Variants in DHRSX observed in about 807,000 individuals in gnomAD.
DHRSX encodes the protein polyprenol dehydrogenase.
Under a neutral mutation model 34.0 loss-of-function variants are expected in DHRSX, and 31 were observed. The observed-to-expected ratio is 0.91, with a 90% CI of 0.69 to 1.23. The LOEUF (loss-of-function observed/expected upper bound fraction) is 1.23. Among genes scored for constraint, DHRSX ranks in the 50% most tolerant of loss-of-function variants. The pLI is 0.00. For synonymous variants in DHRSX, 201 were observed against 183.8 expected (o/e 1.09, Z -0.76); for missense variants, 414 against 428.1 (o/e 0.97, Z 0.29).
At chrX:2,380,352 T>TAAA (rs34993427) in intron 3 of DHRSX, among the ~76,000 whole-genome samples, 1 of 131,614 alleles carries the variant, frequency 7.6e-6, no homozygotes, top group Non-Finnish European at 1.6e-5. Flanking sequence ...TGAGATGTCT[T>TAAA]AAAAAAAAAA....
intron 4 of DHRSX, among the ~76,000 whole-genome samples, chrX:2,270,407 C>A (rs963024347): frequency 6.6e-6 from 1 of 152,194 alleles, no homozygotes; most frequent in Non-Finnish European, 1.5e-5. Context: ...ATTCAAGAGA[C>A]GGAGCAGGGA....
intron 3 of DHRSX, among the ~76,000 whole-genome samples, chrX:2,300,131 T>TA (rs1255133747): frequency 6.6e-6 from 1 of 152,196 alleles, no homozygotes; most frequent in Non-Finnish European, 1.5e-5. Context: ...TGTACCTCCC[T>TA]AAAAAATCCT....
chrX:2,405,918 AAT>A (rs1569497724), intron 3 of DHRSX, among the ~76,000 whole-genome samples: 2 of 149,484 alleles, frequency 1.3e-5, no homozygotes, highest in Non-Finnish European at 1.5e-5. Flanking sequence ...AAAAAAAAAA[AAT>A]AAGGTACCAC....
chrX:2,258,042 G>C (rs1348421891), intron 5 of DHRSX, among the ~76,000 whole-genome samples: 1 of 151,960 alleles, frequency 6.6e-6, no homozygotes, highest in South Asian at 2.1e-4. Context: ...GACACACACA[G>C]AGGGACAACC....
chrX:2,240,261 G>A (rs2016109758), intron 6 of DHRSX, among the ~76,000 whole-genome samples: 1 of 150,382 alleles, frequency 6.6e-6, no homozygotes, highest in South Asian at 2.1e-4. Flanking sequence ...CCAGTGCACT[G>A]CAGCCTGGTG....
chrX:2,409,409 T>A (rs1396918797), intron 2 of DHRSX, among the ~76,000 whole-genome samples: 1 of 152,196 alleles, frequency 6.6e-6, no homozygotes, highest in Non-Finnish European at 1.5e-5. Flanking sequence ...TTTCTCCTAA[T>A]GCTCTCCCTG....
intron 1 of DHRSX, among the ~76,000 whole-genome samples, chrX:2,482,529 T>A (rs1462656568): frequency 1.3e-5 from 2 of 152,162 alleles, no homozygotes; most frequent in Non-Finnish European, 2.9e-5. Context: ...CCTCCCAAAG[T>A]GCTGGGATGA....
chrX:2,448,097 G>A (rs2044162892), intron 1 of DHRSX, among the ~76,000 whole-genome samples: 1 of 151,234 alleles, frequency 6.6e-6, no homozygotes, highest in Non-Finnish European at 1.5e-5. Context: ...CAGCTACTTG[G>A]GAGGCTGAGG....
At chrX:2,349,410 C>T (rs1206053034) in intron 3 of DHRSX, among the ~76,000 whole-genome samples, 4 of 152,026 alleles carry the variant, frequency 2.6e-5, no homozygotes, top group African/African-American at 9.7e-5. Context: ...GTAGTTGGGC[C>T]AGGCGCGGTG....
intron 3 of DHRSX, among the ~76,000 whole-genome samples, chrX:2,346,597 T>C (rs2042715718): frequency 1.3e-5 from 2 of 151,938 alleles, no homozygotes; most frequent in Non-Finnish European, 2.9e-5. Flanking sequence ...GTGACTCCCA[T>C]GTTCCCCTCC....
chrX:2,223,375 A>G (rs68118349), intron 6 of DHRSX, among the ~76,000 whole-genome samples: 131,210 of 152,156 alleles, frequency 0.86, 57,044 homozygotes, highest in East Asian at 0.95. Flanking sequence ...CCCCAGCCAC[A>G]TGGAACTGAG....
chrX:2,366,334 G>A (rs1231864537), intron 3 of DHRSX, among the ~76,000 whole-genome samples: 2 of 151,768 alleles, frequency 1.3e-5, no homozygotes, highest in Non-Finnish European at 2.9e-5. Context: ...CCAGCTACTC[G>A]GGAGGCTGAC....
At chrX:2,388,609 C>A (rs1483159117) in intron 3 of DHRSX, among the ~76,000 whole-genome samples, 1 of 150,386 alleles carries the variant, frequency 6.6e-6, no homozygotes, top group Non-Finnish European at 1.5e-5. Flanking sequence ...AGCCACCCAG[C>A]CTATGGTATT....
intron 1 of DHRSX, among the ~76,000 whole-genome samples, chrX:2,426,675 T>C (rs1054655002): frequency 2.0e-5 from 3 of 150,640 alleles, no homozygotes; most frequent in African/African-American, 7.3e-5. Flanking sequence ...TTTTCCTTTT[T>C]CCTTCCCTCC....
chrX:2,473,904 T>A, intron 1 of DHRSX, among the ~76,000 whole-genome samples: 1 of 146,994 alleles, frequency 6.8e-6, no homozygotes, highest in Non-Finnish European at 1.5e-5. Context: ...ATTCAGACCA[T>A]TTCTTGGTAT....
chrX:2,282,784 G>A (rs1449493575), intron 4 of DHRSX, among the ~76,000 whole-genome samples: 1 of 73,744 alleles, frequency 1.4e-5, no homozygotes, highest in Non-Finnish European at 3.2e-5. Flanking sequence ...GAGGGAGGGG[G>A]AGAGAGAGAA....
chrX:2,227,117 A>T (rs963154038), intron 6 of DHRSX, among the ~76,000 whole-genome samples: 4 of 152,002 alleles, frequency 2.6e-5, no homozygotes, highest in Non-Finnish European at 5.9e-5. Flanking sequence ...CCAGCCCTGC[A>T]CCCACATCTG....
At chrX:2,399,655 A>G (rs2043459566) in intron 3 of DHRSX, among the ~76,000 whole-genome samples, 2 of 150,620 alleles carry the variant, frequency 1.3e-5, no homozygotes, top group Non-Finnish European at 3.0e-5. Flanking sequence ...GCAGTGAGCC[A>G]AGATCGCACC....
chrX:2,500,955 C>T lies in DHRSX; in HGVS notation c.-30G>A. On this transcript the variant is annotated 5_prime_UTR_variant, in exon 1 of 7. Coordinates refer to ENST00000334651, the MANE Select transcript of DHRSX (RefSeq NM_145177.3). The stretch of plus-strand genomic sequence containing the variant: ...GCCCCGGCCGCGCCGCCGCCGCTTC[C>T]GCGCCGCCCGCGGGACTCTGCGCCC... The T allele has an allele frequency of 3.0e-6, 3 of 1,012,396 alleles. No individual in the cohort carries two copies. The highest frequency in any genetic ancestry group is 3.5e-6 in the Non-Finnish European group (3 of 845,496). 62.7% of individuals were successfully genotyped at this position (1,012,396 alleles called of 1,614,324 possible).
Sources: allele counts gnomAD v4.1 joint callset (sites outside exome capture counted in the v4.1 genomes callset), GRCh38; gene constraint gnomAD v4.1.1; transcripts MANE v1.5; gene names NCBI Gene and HGNC (gene_info 2026-07-23, HGNC 2026-07-21).